The following FBXL3 variants were observed in gnomAD, a reference collection of about 807,000 sequenced individuals.
FBXL3 encodes the protein F-box/LRR-repeat protein 3.
Under a neutral mutation model 37.9 loss-of-function variants are expected in FBXL3, and 14 were observed. That is an observed-to-expected ratio of 0.37 (90% CI 0.24 to 0.58). The LOEUF is 0.58. FBXL3 is among the 20% of genes least tolerant of loss of function. The pLI is 0.74. For missense variants in FBXL3, 327 were observed against 511.1 expected (o/e 0.64, Z 3.47); for synonymous variants, 194 against 180.1 (o/e 1.08, Z -0.62).
intron 3 of FBXL3, chr13:77,016,985 A>C (rs1045250989): frequency 2.6e-5 from 4 of 152,210 alleles, no homozygotes; most frequent in African/African-American, 7.2e-5. Context: ...TATCTTGTAC[A>C]AACATATTTC....
At chr13:77,010,616 A>G (rs1437473579) in intron 4 of FBXL3, 1 of 152,210 alleles carries the variant, frequency 6.6e-6, no homozygotes, top group African/African-American at 2.4e-5. Context: ...GGGGCCAAAA[A>G]AGAAAAATCA....
Position 77,005,324 on chromosome 13 carries a change from AAATT to A in FBXL3, c.*1817_*1820del, listed in dbSNP as rs1443983314. On this transcript the variant is annotated 3_prime_UTR_variant, in exon 5 of 5. Coordinates refer to ENST00000355619, the MANE Select transcript of FBXL3 (RefSeq NM_012158.4). ...TTAACATATACTTTACAGTATAAACAAATTAAGTACTATGCATTTTGCTTATAAA... is the reference window on the plus strand; with the variant it reads ...TTAACATATACTTTACAGTATAAACAAAGTACTATGCATTTTGCTTATAAA... 7 of 152,620 alleles carry A rather than the reference AAATT, an allele frequency of 4.6e-5. No individual in the cohort carries two copies. The highest frequency in any genetic ancestry group is 8.8e-5 in the Non-Finnish European group (6 of 67,992). The allele number at this position is 152,620 out of a possible 1,614,324, so 9.5% of individuals were successfully genotyped here.
At chr13:77,020,046 C>T (rs2034712647) in intron 2 of FBXL3, among the ~76,000 whole-genome samples, 1 of 152,114 alleles carries the variant, frequency 6.6e-6, no homozygotes, top group Admixed American at 6.6e-5. Flanking sequence ...CACTCTTACA[C>T]AATTCAAAGA....
chr13:77,008,099 A>G (rs368312357), intron 4 of FBXL3, among the ~76,000 whole-genome samples: 3 of 152,216 alleles, frequency 2.0e-5, no homozygotes, highest in South Asian at 2.1e-4. Context: ...AGACAGTGCC[A>G]TATTTTTAAA....
intron 3 of FBXL3, chr13:77,017,590 T>C (rs560629807): frequency 6.6e-6 from 1 of 152,282 alleles, no homozygotes; most frequent in Admixed American, 6.5e-5. Flanking sequence ...TTTTACACAT[T>C]AAGTCGGAGT....
At chr13:77,019,421 C>T (rs2034702233) in intron 2 of FBXL3, among the ~76,000 whole-genome samples, 1 of 152,140 alleles carries the variant, frequency 6.6e-6, no homozygotes, top group African/African-American at 2.4e-5. Flanking sequence ...CACCTTAAAA[C>T]AGTTAAAAGG....
At chr13:77,024,414 A>G (rs1465825913) in intron 1 of FBXL3, among the ~76,000 whole-genome samples, 1 of 152,196 alleles carries the variant, frequency 6.6e-6, no homozygotes, top group African/African-American at 2.4e-5. Flanking sequence ...CAATTTCTAC[A>G]CCTTATTATA....
intron 2 of FBXL3, among the ~76,000 whole-genome samples, chr13:77,021,123 G>A (rs2034735037): frequency 6.6e-6 from 1 of 152,118 alleles, no homozygotes; most frequent in South Asian, 2.1e-4. Flanking sequence ...ATTTCAAAAA[G>A]CCATCAGTAA....
chr13:77,015,663 C>G (rs1348978855), intron 3 of FBXL3, 83 bp from the exon 4 acceptor site: 1 of 876,312 alleles, frequency 1.1e-6, no homozygotes, highest in Non-Finnish European at 1.6e-6. Context: ...TACAGTTTAT[C>G]TGAACCATAA....
chr13:77,017,707 T>C (rs1445896537), intron 3 of FBXL3: 4 of 152,194 alleles, frequency 2.6e-5, no homozygotes, highest in African/African-American at 4.8e-5. Flanking sequence ...TATCTCAAAA[T>C]ATACATATGT....
At chr13:77,011,565 T>TACAA (rs2034553503) in intron 4 of FBXL3, among the ~76,000 whole-genome samples, 1 of 151,572 alleles carries the variant, frequency 6.6e-6, no homozygotes, top group South Asian at 2.1e-4. Context: ...CTACAAAAAT[T>TACAA]ACAAAGTATT....
chr13:77,019,118 A>G (rs73239419), intron 2 of FBXL3: 2,067 of 155,014 alleles, frequency 0.013, 31 homozygotes, highest in Middle Eastern at 0.065. Context: ...AGTGGATCAC[A>G]TAATAGATGT....
chr13:77,008,101 A>G (rs1214122577), intron 4 of FBXL3, among the ~76,000 whole-genome samples: 1 of 152,206 alleles, frequency 6.6e-6, no homozygotes, highest in Non-Finnish European at 1.5e-5. Context: ...ACAGTGCCAT[A>G]TTTTTAAAAA....
chr13:77,007,201 C>G lies in FBXL3; in HGVS notation c.1231G>C (p.Glu411Gln). The change falls in exon 5 of 5, where the codon GAA becomes CAA. Residue 411 changes from glutamate to glutamine, a missense_variant. By Grantham distance (29) the Glu-to-Gln change is conservative. Transcript: ENST00000355619. The part of the protein sequence containing the change: ...QKYSLEQIHW[E>Q]VSKHLGRVWF... Reference sequence around the variant, plus strand: ...ACCCTACCAAGATGCTTGGACACTTCCCAGTGAATCTGCTCCAAACTATAC... The same window carrying G: ...ACCCTACCAAGATGCTTGGACACTTGCCAGTGAATCTGCTCCAAACTATAC... The G allele has an allele frequency of 6.2e-7, 1 of 1,613,708 alleles. No individual in the cohort carries two copies. Among genetic ancestry groups the G allele is most frequent in the African/African-American group, 1.3e-5 (1 of 75,036 alleles).
At chr13:77,016,753 A>C (rs1382024223) in intron 3 of FBXL3, 1 of 150,976 alleles carries the variant, frequency 6.6e-6, no homozygotes, top group African/African-American at 2.4e-5. Flanking sequence ...CTGATCTTGA[A>C]CTCCTGGCCA....
intron 4 of FBXL3, chr13:77,014,790 A>G (rs1326023653): frequency 6.6e-6 from 1 of 152,142 alleles, no homozygotes; most frequent in East Asian, 1.9e-4. Flanking sequence ...TAGGGTTTAT[A>G]CTCTCTTTTC....
At position 77,006,613 on chromosome 13, in the gene FBXL3, CCTTTTT is replaced by C. The variant is rs1689075148; in HGVS notation, c.*526_*531del. ...TAAGTGTTCTGATTACTTATATATACCTTTTTCTTTAAACAGCTTTGTAACATTTGA... is the reference window on the plus strand; with the variant it reads ...TAAGTGTTCTGATTACTTATATATACCTTTAAACAGCTTTGTAACATTTGA... On this transcript the variant is annotated 3_prime_UTR_variant, in exon 5 of 5. Coordinates refer to ENST00000355619, the MANE Select transcript of FBXL3 (RefSeq NM_012158.4). The C allele has an allele frequency of 5.8e-6, 1 of 172,934 alleles. No individual in the cohort carries two copies. Among genetic ancestry groups the C allele is most frequent in the Admixed American group, 6.5e-5 (1 of 15,496 alleles). 10.7% of individuals were successfully genotyped at this position (172,934 alleles called of 1,614,324 possible). A position where few individuals can be genotyped will look rare whatever the true frequency, so the allele number is the denominator to read the frequency against.
chr13:77,021,444 A>G (rs1219656818), intron 2 of FBXL3, 69 bp downstream of exon 2: 9 of 1,172,670 alleles, frequency 7.7e-6, no homozygotes, highest in Non-Finnish European at 9.5e-6. Context: ...GCATGAGAAG[A>G]TGTACTGGTT....
intron 3 of FBXL3, chr13:77,017,909 G>GA (rs1337325810): frequency 6.6e-6 from 1 of 151,212 alleles, no homozygotes; most frequent in Non-Finnish European, 1.5e-5. Context: ...TGTCTTCTGG[G>GA]AAAAAAATAT....
Sources: gnomAD v4.1 joint callset for allele counts (sites outside exome capture counted in the v4.1 genomes callset) on GRCh38, gnomAD v4.1.1 for gene constraint, MANE v1.5 for transcripts, NCBI Gene and HGNC (gene_info 2026-07-23, HGNC 2026-07-21) for gene names.